CSDE1: variants seen among roughly 807,000 people sequenced by gnomAD.
CSDE1 encodes cold shock domain containing E1, also known as cold shock domain-containing protein E1.
CSDE1 carries 17 observed loss-of-function variants against 89.3 expected under a neutral mutation model. The observed-to-expected ratio is 0.19, with a 90% confidence interval of 0.13 to 0.29. CSDE1 has a LOEUF of 0.29. Among genes scored for constraint, CSDE1 ranks in the 10% least tolerant of loss-of-function variants. The pLI is 1.00. For synonymous variants in CSDE1, 322 were observed against 332.8 expected (o/e 0.97, Z 0.35); for missense variants, 672 against 984.2 (o/e 0.68, Z 4.24).
chr1:114,725,793 G>C (rs989693860), intron 14 of CSDE1, among the ~76,000 whole-genome samples: 2 of 152,168 alleles, frequency 1.3e-5, no homozygotes, highest in Non-Finnish European at 2.9e-5. Flanking sequence ...GCACCACCAT[G>C]TCAGGCTAAT....
rs1188170189 is a variant in CSDE1 at position 114,734,536 on chromosome 1, T to A, written c.501-13A>T. On this transcript the variant is annotated splice_polypyrimidine_tract_variant and intron_variant, in intron 6 of 19. Coordinates refer to ENST00000358528, the MANE Select transcript of CSDE1 (RefSeq NM_001007553.3). Reference sequence around the variant, plus strand: ...TACAGCACCAGTACTAGAAAAAAAATAATTGCAGGGAGGAGGAATGAAACA... The same window carrying A: ...TACAGCACCAGTACTAGAAAAAAAAAAATTGCAGGGAGGAGGAATGAAACA... 21 of 1,601,418 alleles carry A rather than the reference T, an allele frequency of 1.3e-5. No individual in the cohort carries two copies. Among genetic ancestry groups the A allele is most frequent in the Non-Finnish European group, 1.7e-5 (20 of 1,173,228 alleles).
At position 114,725,005 on chromosome 1, in the gene CSDE1, T is replaced by A. The variant is rs371194542; in HGVS notation, c.1753+216A>T. On this transcript the variant is annotated intron_variant, in intron 15 of 19. Coordinates refer to ENST00000358528, the MANE Select transcript of CSDE1 (RefSeq NM_001007553.3). Reference sequence around the variant, plus strand: ...GTATACCAGAATCACCTAAAGGATTTATTAAAAAAGAATGCCCACTCACAG... The same window carrying A: ...GTATACCAGAATCACCTAAAGGATTAATTAAAAAAGAATGCCCACTCACAG... 1.1e-4 allele frequency among the ~76,000 whole-genome samples: 17 copies of A among 152,282 alleles called. No homozygotes were observed. In the South Asian group the frequency reaches 3.3e-3, roughly 30 times the overall value.
rs1570937556 is a variant in CSDE1 at position 114,741,235 on chromosome 1, C to A, written c.1-1345G>T. 2.0e-5 allele frequency among the ~76,000 whole-genome samples: 3 copies of A among 152,130 alleles called. No homozygotes were observed. The East Asian group carries it at 5.8e-4, about 29-fold the overall frequency. On this transcript the variant is annotated intron_variant, in intron 2 of 19. Transcript: ENST00000358528. ...AAGAAGGTCTGGCTGTAAACCAGGG[C>A]TTCTCAAATGAGAAGTTAAAATATA...
At chr1:114,726,058 A>G (rs1659778198) in intron 14 of CSDE1, among the ~76,000 whole-genome samples, 153 bp downstream of exon 14, 1 of 152,260 alleles carries the variant, frequency 6.6e-6, no homozygotes, top group Admixed American at 6.5e-5. Flanking sequence ...TAGTAAGATC[A>G]GTGATTAACT....
chr1:114,732,462 G>T, intron 10 of CSDE1, 142 bp downstream of exon 10: 3 of 739,470 alleles, frequency 4.1e-6, no homozygotes, highest in South Asian at 3.7e-5. Context: ...ACTCAAATGT[G>T]TATGATTCTT....
At chr1:114,746,609 T>C (rs2101075267) in intron 2 of CSDE1, 1 of 152,266 alleles carries the variant, frequency 6.6e-6, no homozygotes, top group African/African-American at 2.4e-5. Flanking sequence ...AAGCCTAAAA[T>C]AAGTGCTTAC....
chr1:114,720,538 C>A lies in CSDE1; in HGVS notation c.2052+1G>T. The stretch of plus-strand genomic sequence containing the variant: ...TCAGATACAGAGATGCTGGCACTTA[C>A]CTGATCTTTCACACATTCCACTGTG... On this transcript the variant is annotated splice_donor_variant, in intron 17 of 19. Coordinates refer to ENST00000358528, the MANE Select transcript of CSDE1 (RefSeq NM_001007553.3). LOFTEE classifies it high-confidence loss of function. The A allele has an allele frequency of 6.2e-7, 1 of 1,608,470 alleles. No individual in the cohort carries two copies. Among genetic ancestry groups the A allele is most frequent in the Non-Finnish European group, 8.5e-7 (1 of 1,176,632 alleles).
At chr1:114,733,317 A>AG (rs1660205270) in intron 9 of CSDE1, among the ~76,000 whole-genome samples, 1 of 152,098 alleles carries the variant, frequency 6.6e-6, no homozygotes, top group Non-Finnish European at 1.5e-5. Context: ...CGCAAGGTCA[A>AG]GAGATCGAGA....
chr1:114,757,047 C>G (rs1304534151), intron 1 of CSDE1, among the ~76,000 whole-genome samples: 2 of 152,216 alleles, frequency 1.3e-5, no homozygotes, highest in African/African-American at 4.8e-5. Context: ...GCGCTGGCAC[C>G]ATGAGAACTA....
At chr1:114,727,888 A>G (rs1659885797) in intron 12 of CSDE1, 1 of 152,188 alleles carries the variant, frequency 6.6e-6, no homozygotes, top group Non-Finnish European at 1.5e-5. Flanking sequence ...ATGACAGTGT[A>G]CAGCAACTAC....
At chr1:114,738,100 T>C (rs1261848648) in intron 3 of CSDE1, 28 bp from the exon 4 acceptor site, 1 of 1,563,256 alleles carries the variant, frequency 6.4e-7, no homozygotes, top group East Asian at 2.2e-5. Flanking sequence ...GTTATGTTTG[T>C]TGAACTGATT....
At chr1:114,727,149 A>C in intron 12 of CSDE1, 59 bp from the exon 13 acceptor site, 4 of 1,180,432 alleles carry the variant, frequency 3.4e-6, no homozygotes, top group African/African-American at 1.5e-5. Context: ...AACCAATAAA[A>C]ACAACTATAG....
chr1:114,744,681 T>C (rs1040957684), intron 2 of CSDE1, among the ~76,000 whole-genome samples: 1 of 152,162 alleles, frequency 6.6e-6, no homozygotes, highest in Non-Finnish European at 1.5e-5. Context: ...CGGAACTTTC[T>C]AGATTTGAAA....
chr1:114,751,110 GTAT>G (rs1661284134), intron 1 of CSDE1, among the ~76,000 whole-genome samples: 1 of 152,178 alleles, frequency 6.6e-6, no homozygotes, highest in Admixed American at 6.5e-5. Context: ...GATGAAAGTG[GTAT>G]TAAGTCTTGA....
At chr1:114,721,380 A>C (rs1342662083) in intron 16 of CSDE1, among the ~76,000 whole-genome samples, 1 of 152,224 alleles carries the variant, frequency 6.6e-6, no homozygotes, top group Non-Finnish European at 1.5e-5. Flanking sequence ...AAAGGCCACC[A>C]TATATGCTGA....
chr1:114,747,221 A>G (rs560662149), intron 2 of CSDE1, among the ~76,000 whole-genome samples: 8 of 152,054 alleles, frequency 5.3e-5, no homozygotes, highest in Non-Finnish European at 1.2e-4. Flanking sequence ...TTCTATATAT[A>G]TTTGTTCCTA....
intron 1 of CSDE1, among the ~76,000 whole-genome samples, chr1:114,752,593 T>C (rs1254993650): frequency 6.6e-6 from 1 of 152,174 alleles, no homozygotes; most frequent in African/African-American, 2.4e-5. Context: ...CAGAAGTCCA[T>C]TACCTCGCCT....
At chr1:114,719,524 TA>T (rs1383205035) in intron 18 of CSDE1, 54 bp downstream of exon 18, 1 of 1,538,774 alleles carries the variant, frequency 6.5e-7, no homozygotes, top group Non-Finnish European at 8.8e-7. Context: ...ACAGAGACTA[TA>T]AAGTTGAGAC....
At chr1:114,731,483 A>T (rs1179592431) in intron 10 of CSDE1, among the ~76,000 whole-genome samples, 1 of 152,140 alleles carries the variant, frequency 6.6e-6, no homozygotes, top group African/African-American at 2.4e-5. Context: ...AAGGCAAAGG[A>T]TTAAAAAAAA....
Sources: allele counts gnomAD v4.1 joint callset (sites outside exome capture counted in the v4.1 genomes callset), GRCh38; gene constraint gnomAD v4.1.1; transcripts MANE v1.5; gene names NCBI Gene and HGNC (gene_info 2026-07-23, HGNC 2026-07-21).